MBNL1: variants seen among roughly 807,000 people sequenced by gnomAD.
MBNL1 encodes muscleblind like splicing regulator 1, also known as muscleblind-like protein 1.
Under a neutral mutation model 42.2 loss-of-function variants are expected in MBNL1, and 8 were observed. The observed-to-expected ratio is 0.19, with a 90% CI of 0.11 to 0.34. The LOEUF (loss-of-function observed/expected upper bound fraction) is 0.34, where lower values mean the gene tolerates loss of function less well. Ranked by LOEUF, MBNL1 falls within the 10% of genes least tolerant of loss-of-function variation. The pLI, the probability that MBNL1 is intolerant of heterozygous loss-of-function variation, is 1.00. For missense variants in MBNL1, 309 were observed against 495.3 expected, an observed-to-expected ratio of 0.62 and a Z score of 3.57; for synonymous variants, 169 against 173.9, an observed-to-expected ratio of 0.97 and a Z score of 0.22.
intron 2 of MBNL1, among the ~76,000 whole-genome samples, chr3:152,366,368 A>G (rs937950742): frequency 1.7e-4 from 26 of 152,204 alleles, no homozygotes; most frequent in African/African-American, 6.3e-4. Flanking sequence ...TGATTTTTAT[A>G]GCACTTAATG....
chr3:152,308,900 G>A (rs990844178), intron 2 of MBNL1, among the ~76,000 whole-genome samples: 3 of 151,970 alleles, frequency 2.0e-5, no homozygotes, highest in African/African-American at 7.3e-5. Flanking sequence ...AAAACCATTA[G>A]GAGGTGATAA....
chr3:152,407,073 T>TGTGTGTGTGTGTGTG (rs57861310), intron 2 of MBNL1, among the ~76,000 whole-genome samples: 3,087 of 148,972 alleles, frequency 0.021, 61 homozygotes, highest in Middle Eastern at 0.037. Context: ...GTGTGTGTGT[T>TGTGTGTGTGTGTGTG]TGTGTGAACT....
At chr3:152,412,309 G>T (rs1423685385) in intron 2 of MBNL1, among the ~76,000 whole-genome samples, 1 of 152,016 alleles carries the variant, frequency 6.6e-6, no homozygotes, top group African/African-American at 2.4e-5. Context: ...AAATTTATCT[G>T]GCTTTGCACA....
intron 2 of MBNL1, among the ~76,000 whole-genome samples, chr3:152,311,534 G>A (rs951810981): frequency 6.6e-6 from 1 of 151,782 alleles, no homozygotes; most frequent in Admixed American, 6.6e-5. Context: ...GTGATTTTGA[G>A]TATTACATTT....
chr3:152,333,354 A>G (rs2086716824), intron 2 of MBNL1, among the ~76,000 whole-genome samples: 2 of 152,226 alleles, frequency 1.3e-5, no homozygotes, highest in African/African-American at 2.4e-5. Context: ...ATGGACACAT[A>G]TAAGATAAGT....
At chr3:152,286,808 A>T (rs1451102407) in intron 1 of MBNL1, among the ~76,000 whole-genome samples, 1 of 152,056 alleles carries the variant, frequency 6.6e-6, no homozygotes, top group Non-Finnish European at 1.5e-5. Context: ...AATTTGTCCA[A>T]TGTATTCCTT....
intron 2 of MBNL1, among the ~76,000 whole-genome samples, chr3:152,321,914 T>G (rs916226946): frequency 6.6e-6 from 1 of 152,098 alleles, no homozygotes; most frequent in East Asian, 1.9e-4. Flanking sequence ...TTGTTATGGT[T>G]GTTCTTTGTT....
At position 152,332,726 on chromosome 3, in the gene MBNL1, GTGTGTGTGTGTGT is replaced by G. The variant is rs2085787310; in HGVS notation, c.174+32360_174+32372del. Reference sequence around the variant, plus strand: ...TGTGTGTGTGTGTGTGTGTGTGTGTGTGTGTGTGTGTGTGCGCGCGCGCATGCGCACACACTAG... The same window carrying G: ...TGTGTGTGTGTGTGTGTGTGTGTGTGGCGCGCGCGCATGCGCACACACTAG... On this transcript the variant is annotated intron_variant, in intron 2 of 9. Transcript: ENST00000324210. 5.2e-5 allele frequency among the ~76,000 whole-genome samples: 7 copies of G among 134,308 alleles called. No homozygotes were observed. The South Asian group carries it at 1.4e-3, about 26-fold the overall frequency. The allele number at this position is 134,308 out of a possible 152,430, so 88.1% of individuals were successfully genotyped here.
At chr3:152,334,936 G>A (rs2088587286) in intron 2 of MBNL1, among the ~76,000 whole-genome samples, 1 of 152,148 alleles carries the variant, frequency 6.6e-6, no homozygotes, top group Non-Finnish European at 1.5e-5. Context: ...CTCTGAAAAA[G>A]GTGCAGACGT....
chr3:152,326,785 A>ATTTATTTATTTG (rs1451317607), intron 2 of MBNL1, among the ~76,000 whole-genome samples: 1 of 140,728 alleles, frequency 7.1e-6, no homozygotes, highest in African/African-American at 2.6e-5. Context: ...AAAATTATTT[A>ATTTATTTATTTG]TTTATTTATT....
chr3:152,457,920 T>A lies in MBNL1; in HGVS notation c.1093-1351T>A, dbSNP rs1737030044. On this transcript the variant is annotated intron_variant, in intron 8 of 9. Coordinates refer to ENST00000324210, the MANE Select transcript of MBNL1 (RefSeq NM_021038.5). Reference sequence around the variant, plus strand: ...GCATAATCTTGGATCTTCATACTATTTGACAACCAAAAGAAAGAAAAGGGA... The same window carrying A: ...GCATAATCTTGGATCTTCATACTATATGACAACCAAAAGAAAGAAAAGGGA... 1.6e-5 allele frequency: 8 copies of A among 490,394 alleles called. 1 individual carries two copies. In the South Asian group the frequency reaches 2.6e-4, roughly 16 times the overall value. The allele number at this position is 490,394 out of a possible 1,614,324, so 30.4% of individuals were successfully genotyped here.
intron 3 of MBNL1, among the ~76,000 whole-genome samples, chr3:152,430,221 A>G (rs1328015348): frequency 2.0e-5 from 3 of 152,200 alleles, no homozygotes; most frequent in East Asian, 1.9e-4. Context: ...GCTGAGTTTT[A>G]TTAGCCTCTG....
chr3:152,362,598 A>G (rs1425394086), intron 2 of MBNL1, among the ~76,000 whole-genome samples: 1 of 152,088 alleles, frequency 6.6e-6, no homozygotes, highest in African/African-American at 2.4e-5. Context: ...TTTGTTGTAG[A>G]GGGGTGTCCT....
chr3:152,320,063 A>G (rs1178958698), intron 2 of MBNL1, among the ~76,000 whole-genome samples: 1 of 152,174 alleles, frequency 6.6e-6, no homozygotes, highest in African/African-American at 2.4e-5. Context: ...ACTCCTTAAG[A>G]ATGAGAAGCT....
intron 4 of MBNL1, among the ~76,000 whole-genome samples, chr3:152,441,332 C>T (rs559111807): frequency 1.3e-5 from 2 of 152,258 alleles, no homozygotes; most frequent in African/African-American, 4.8e-5. Flanking sequence ...GATCAAATGA[C>T]AGGATTATTC....
intron 2 of MBNL1, among the ~76,000 whole-genome samples, chr3:152,351,960 CTTTA>C (rs556600997): frequency 3.7e-4 from 56 of 152,104 alleles, no homozygotes; most frequent in Non-Finnish European, 5.7e-4. Context: ...TACTAATCCA[CTTTA>C]TTTATTTTTT....
At chr3:152,401,351 T>C (rs2098210262) in intron 2 of MBNL1, among the ~76,000 whole-genome samples, 1 of 152,238 alleles carries the variant, frequency 6.6e-6, no homozygotes, top group Admixed American at 6.5e-5. Flanking sequence ...AAAACTTCTT[T>C]AGTAAGTGAC....
At chr3:152,427,825 T>C (rs909259021) in intron 3 of MBNL1, among the ~76,000 whole-genome samples, 2 of 151,178 alleles carry the variant, frequency 1.3e-5, no homozygotes, top group Non-Finnish European at 3.0e-5. Flanking sequence ...TTTATATACA[T>C]ACATAAAATC....
chr3:152,436,683 C>T (rs1414116658), intron 4 of MBNL1, among the ~76,000 whole-genome samples: 3 of 152,216 alleles, frequency 2.0e-5, no homozygotes, highest in African/African-American at 7.2e-5. Context: ...AATCCTGCCA[C>T]ATTCACAGTT....
Sources: allele counts gnomAD v4.1 joint callset (sites outside exome capture counted in the v4.1 genomes callset), GRCh38; gene constraint gnomAD v4.1.1; transcripts MANE v1.5; gene names NCBI Gene and HGNC (gene_info 2026-07-23, HGNC 2026-07-21).